Variants in CUEDC1 observed in about 807,000 individuals in gnomAD.
CUEDC1 encodes the protein CUE domain containing 1.
Under a neutral mutation model 43.7 loss-of-function variants are expected in CUEDC1, and 30 were observed. That is an observed-to-expected ratio of 0.69 (90% confidence interval 0.51 to 0.93). The LOEUF (loss-of-function observed/expected upper bound fraction) is 0.93. CUEDC1 is among the 40% of genes least tolerant of loss of function. The probability of loss-of-function intolerance (pLI) is 0.00; values close to 1 mark genes in which losing one functional copy is unlikely to be tolerated. For missense variants in CUEDC1, 486 were observed against 549.0 expected, an observed-to-expected ratio of 0.89 and a Z score of 1.15; for synonymous variants, 223 against 223.6, an observed-to-expected ratio of 1.00 and a Z score of 0.02.
At chr17:57,933,326 C>A (rs1040137882) in intron 1 of CUEDC1, among the ~76,000 whole-genome samples, 13 of 110,746 alleles carry the variant, frequency 1.2e-4, no homozygotes, top group African/African-American at 3.3e-4. Context: ...ACGTGTTGGT[C>A]GGTTCCTCCA....
Position 57,955,147 on chromosome 17 carries a change from G to T in CUEDC1, c.-316+78C>A, listed in dbSNP as rs1453750507. 1 of 147,412 alleles carries T rather than the reference G, an allele frequency of 6.8e-6. No individual in the cohort carries two copies. The highest frequency in any genetic ancestry group is 1.5e-5 in the Non-Finnish European group (1 of 66,316). The allele number at this position is 147,412 out of a possible 1,614,324, so 9.1% of individuals were successfully genotyped here. On this transcript the variant is annotated intron_variant, in intron 1 of 10. Coordinates refer to ENST00000577830, the MANE Select transcript of CUEDC1 (RefSeq NM_001271875.2). The surrounding 1 kb of genome is among the most constrained non-coding windows in gnomAD (Gnocchi z 5.3). ...GGTGGGGCCGCTGGGCCGGGGCCGC[G>T]GCCGGGATTGCGCGCGGGGCGCCGG...
intron 1 of CUEDC1, among the ~76,000 whole-genome samples, chr17:57,932,437 T>A (rs2074815380): frequency 6.7e-6 from 1 of 149,148 alleles, no homozygotes; most frequent in Admixed American, 6.6e-5. Context: ...TACAAAAAAA[T>A]TAGCCGGGCA....
chr17:57,865,446 G>A (rs1020691632), intron 10 of CUEDC1, among the ~76,000 whole-genome samples: 11 of 152,058 alleles, frequency 7.2e-5, no homozygotes, highest in African/African-American at 1.7e-4. Flanking sequence ...TTTCTCCATC[G>A]TCTGACACAG....
intron 2 of CUEDC1, among the ~76,000 whole-genome samples, chr17:57,881,190 G>A (rs1568033728): frequency 2.6e-5 from 4 of 152,310 alleles, no homozygotes; most frequent in South Asian, 2.1e-4. Context: ...ACACACACGC[G>A]CACATGCACA....
chr17:57,926,865 A>G (rs538545660), intron 1 of CUEDC1, among the ~76,000 whole-genome samples: 9 of 152,230 alleles, frequency 5.9e-5, no homozygotes, highest in Non-Finnish European at 1.0e-4. Flanking sequence ...AATGGGGCTC[A>G]GCGGCTGGTG....
chr17:57,873,579 G>T lies in CUEDC1; in HGVS notation c.591+12C>A. Reference sequence around the variant, plus strand: ...GCAGGTGGGAGTGGAAGGCGGGGGCGGCCCCTGTTACCTGTATGCTGTCCA... The same window carrying T: ...GCAGGTGGGAGTGGAAGGCGGGGGCTGCCCCTGTTACCTGTATGCTGTCCA... On this transcript the variant is annotated intron_variant, in intron 4 of 10. Coordinates refer to ENST00000577830, the MANE Select transcript of CUEDC1 (RefSeq NM_001271875.2). The T allele has an allele frequency of 6.5e-7, 1 of 1,539,656 alleles. No homozygotes were observed. The highest frequency in any genetic ancestry group is 8.8e-7 in the Non-Finnish European group (1 of 1,140,856).
At chr17:57,896,336 T>C (rs1300054732) in intron 1 of CUEDC1, among the ~76,000 whole-genome samples, 1 of 152,202 alleles carries the variant, frequency 6.6e-6, no homozygotes, top group Non-Finnish European at 1.5e-5. Flanking sequence ...GAAAATATGA[T>C]ACATTATCAG....
In CUEDC1 at chr17:57,954,698, C is replaced by T. The variant is rs1598033371; in HGVS notation, c.-316+527G>A. 6.6e-6 allele frequency among the ~76,000 whole-genome samples: 1 copy of T among 152,038 alleles called. No homozygotes were observed. The highest frequency in any genetic ancestry group is 6.5e-5 in the Admixed American group (1 of 15,284). Reference sequence around the variant, plus strand: ...AGGCTGAGCCGACCTGTGACATCGGCGGGGGGCAGGAAGCGAAGCTCCCCT... The same window carrying T: ...AGGCTGAGCCGACCTGTGACATCGGTGGGGGGCAGGAAGCGAAGCTCCCCT... On this transcript the variant is annotated intron_variant, in intron 1 of 10. Transcript: ENST00000577830. The surrounding 1 kb of genome is among the most constrained non-coding windows in gnomAD (Gnocchi z 4.3).
At chr17:57,908,496 T>C (rs1360056619) in intron 1 of CUEDC1, among the ~76,000 whole-genome samples, 1 of 152,204 alleles carries the variant, frequency 6.6e-6, no homozygotes, top group East Asian at 1.9e-4. Context: ...TCTCCAATCA[T>C]GCAAGGGCTA....
chr17:57,914,774 A>T (rs2074620655), intron 1 of CUEDC1, among the ~76,000 whole-genome samples: 1 of 152,286 alleles, frequency 6.6e-6, no homozygotes, highest in African/African-American at 2.4e-5. Context: ...TGGGTCCAGG[A>T]TCAGGCCAGG....
chr17:57,946,197 G>A (rs759316982), intron 1 of CUEDC1, among the ~76,000 whole-genome samples: 2 of 152,088 alleles, frequency 1.3e-5, no homozygotes, highest in Non-Finnish European at 2.9e-5. Flanking sequence ...AGCACTTAAC[G>A]ACCCACAACC....
chr17:57,918,956 C>T (rs969502378), intron 1 of CUEDC1, among the ~76,000 whole-genome samples: 6 of 152,104 alleles, frequency 3.9e-5, no homozygotes, highest in Admixed American at 1.3e-4. Flanking sequence ...CGGGATGAAG[C>T]GATGCTTCTG....
chr17:57,890,321 A>G (rs1394746777), intron 1 of CUEDC1, among the ~76,000 whole-genome samples: 6 of 152,230 alleles, frequency 3.9e-5, no homozygotes, highest in African/African-American at 1.4e-4. Context: ...TGACCCAGAC[A>G]GCATGGTAGC....
At chr17:57,887,225 G>A (rs1369243744) in intron 1 of CUEDC1, among the ~76,000 whole-genome samples, 1 of 152,014 alleles carries the variant, frequency 6.6e-6, no homozygotes, top group Non-Finnish European at 1.5e-5. Flanking sequence ...ATGTATAGGT[G>A]GAACTGAAAA....
intron 1 of CUEDC1, among the ~76,000 whole-genome samples, chr17:57,935,406 A>ACACACAC (rs2074851488): frequency 6.5e-5 from 5 of 77,010 alleles, no homozygotes; most frequent in East Asian, 1.2e-3. Context: ...CACACACACA[A>ACACACAC]ACACACACAC....
intron 1 of CUEDC1, among the ~76,000 whole-genome samples, chr17:57,898,111 C>T (rs1239114239): frequency 6.6e-6 from 1 of 152,226 alleles, no homozygotes; most frequent in African/African-American, 2.4e-5. Context: ...AATCCCAACC[C>T]AATCCTTCCT....
chr17:57,929,029 A>G (rs1344248136), intron 1 of CUEDC1, among the ~76,000 whole-genome samples: 1 of 152,082 alleles, frequency 6.6e-6, no homozygotes, highest in Non-Finnish European at 1.5e-5. Context: ...TCCATTCCAT[A>G]CTAATTTGCC....
chr17:57,877,884 C>CAA (rs59469013), intron 3 of CUEDC1, among the ~76,000 whole-genome samples: 1,758 of 89,288 alleles, frequency 0.02, 75 homozygotes, highest in African/African-American at 0.066. Context: ...GACTCCGACT[C>CAA]AAAAAAAAAA....
At chr17:57,892,490 C>T (rs969486952) in intron 1 of CUEDC1, 5 of 152,388 alleles carry the variant, frequency 3.3e-5, no homozygotes, top group African/African-American at 1.2e-4. Context: ...GAGGGTAAGA[C>T]TCCTCAGACC....
Sources: gnomAD v4.1 joint callset for allele counts (sites outside exome capture counted in the v4.1 genomes callset) on GRCh38, gnomAD v4.1.1 for gene constraint, Gnocchi (gnomAD v3.1) non-coding constraint, MANE v1.5 for transcripts, NCBI Gene and HGNC (gene_info 2026-07-23, HGNC 2026-07-21) for gene names.